Variants in FGF13 observed in about 807,000 individuals in gnomAD.
FGF13 encodes fibroblast growth factor 13, also known as fibroblast growth factor homologous factor 2.
Under a neutral mutation model 19.5 loss-of-function variants are expected in FGF13, and 2 were observed. The ratio of observed to expected loss-of-function variants is 0.10; its 90% confidence interval spans 0.04 to 0.32. The LOEUF is 0.32. Among genes scored for constraint, FGF13 ranks in the 10% least tolerant of loss-of-function variants. The pLI is 1.00. For missense variants in FGF13, 113 were observed against 192.7 expected (o/e 0.59, Z 2.45); for synonymous variants, 72 against 76.9 (o/e 0.94, Z 0.33).
intron 1 of FGF13, among the ~76,000 whole-genome samples, chrX:139,083,573 G>A (rs966415837): frequency 3.6e-5 from 4 of 112,235 alleles, no homozygotes; most frequent in Non-Finnish European, 7.5e-5. Flanking sequence ...AACACCTATA[G>A]AAAGTATCCC....
intron 1 of FGF13, among the ~76,000 whole-genome samples, chrX:139,037,102 T>C (rs995892506): frequency 2.7e-5 from 3 of 111,028 alleles, no homozygotes; most frequent in Non-Finnish European, 5.7e-5. Flanking sequence ...GAACCACCTA[T>C]TTGTCCCACA....
intron 3 of FGF13, among the ~76,000 whole-genome samples, chrX:138,794,357 G>C (rs1047153552): frequency 1.8e-5 from 2 of 111,638 alleles, no homozygotes; most frequent in African/African-American, 6.5e-5. Flanking sequence ...ACAGCTAATA[G>C]GCTATACTCT....
chrX:138,829,157 C>T (rs2091054255), intron 3 of FGF13, among the ~76,000 whole-genome samples: 1 of 111,793 alleles, frequency 8.9e-6, no homozygotes, highest in Non-Finnish European at 1.9e-5. Flanking sequence ...TTCTCTGTCT[C>T]ACACACACGT....
At chrX:139,151,665 C>T (rs5976287) in intron 1 of FGF13, among the ~76,000 whole-genome samples, 1,387 of 111,746 alleles carry the variant, frequency 0.012, 18 homozygotes, top group African/African-American at 0.042. Flanking sequence ...AAGCACCTTG[C>T]TATTAAATAT....
At chrX:139,089,895 A>G (rs939073605) in intron 1 of FGF13, among the ~76,000 whole-genome samples, 7 of 111,052 alleles carry the variant, frequency 6.3e-5, no homozygotes, top group African/African-American at 2.3e-4. Flanking sequence ...CTGGAATGCA[A>G]TGGTGCAATC....
At chrX:138,635,316 G>A (rs2089170218) in intron 4 of FGF13, 141 bp downstream of exon 4, 1 of 535,552 alleles carries the variant, frequency 1.9e-6, no homozygotes, top group Non-Finnish European at 3.1e-6. Context: ...GGTGATGAGT[G>A]CACCAAAATT....
chrX:138,971,609 TGTACATGTGTATTGG>T (rs2091916120), intron 1 of FGF13, among the ~76,000 whole-genome samples: 1 of 111,631 alleles, frequency 9.0e-6, no homozygotes, highest in African/African-American at 3.3e-5. Flanking sequence ...ATATAATAAT[TGTACATGTGTATTGG>T]GTACAGTGTG....
rs186010420 is a variant in FGF13, at chrX:138,903,620, C to A, written c.-112-38970G>T. On this transcript the variant is annotated intron_variant, in intron 1 of 2. Transcript: ENST00000421460. ...ATCCACCTCATTTCTAGCTCCACAC[C>A]CATGATCTTGCTTTCCACTTATCCA... is the stretch of plus-strand genomic sequence containing the variant. Among the ~76,000 whole-genome samples the A allele has an allele frequency of 1.9e-4, 21 of 111,479 alleles. No homozygotes were observed. In the East Asian group the frequency reaches 5.7e-3, roughly 30 times the overall value.
intron 1 of FGF13, among the ~76,000 whole-genome samples, chrX:139,083,977 G>A (rs1177757693): frequency 9.0e-6 from 1 of 111,223 alleles, no homozygotes; most frequent in African/African-American, 3.3e-5. Flanking sequence ...AGCCTTTTCA[G>A]TCGGGGGGTG....
chrX:139,053,186 T>C (rs1467702499), intron 1 of FGF13, among the ~76,000 whole-genome samples: 2 of 111,738 alleles, frequency 1.8e-5, no homozygotes, highest in Non-Finnish European at 3.8e-5. Context: ...TTCATTCCTT[T>C]TTATGGCTGA....
At chrX:138,913,705 G>A (rs190364848) in intron 1 of FGF13, among the ~76,000 whole-genome samples, 1 of 98,378 alleles carries the variant, frequency 1.0e-5, no homozygotes, top group African/African-American at 3.7e-5. Context: ...AGGAAGGAAG[G>A]AAAGAAAACT....
intron 3 of FGF13, among the ~76,000 whole-genome samples, chrX:138,672,404 T>C (rs1464063776): frequency 1.8e-5 from 2 of 111,222 alleles, no homozygotes; most frequent in Non-Finnish European, 3.8e-5. Flanking sequence ...CTGGAGTGCA[T>C]ATATTCTGAA....
chrX:138,708,125 G>T (rs1382941592), intron 2 of FGF13, among the ~76,000 whole-genome samples: 3 of 112,038 alleles, frequency 2.7e-5, no homozygotes, highest in South Asian at 3.7e-4. Flanking sequence ...CACTATTTGT[G>T]AGTTTATATT....
chrX:138,742,217 A>G (rs2090324260), upstream of FGF13, among the ~76,000 whole-genome samples: 1 of 112,259 alleles, frequency 8.9e-6, no homozygotes, highest in Admixed American at 9.4e-5. Context: ...CTAGAGGGCA[A>G]GAACCACATG....
intron 1 of FGF13, among the ~76,000 whole-genome samples, chrX:139,003,614 A>C (rs1198500024): frequency 2.9e-5 from 1 of 34,716 alleles, no homozygotes; most frequent in African/African-American, 6.8e-5. Flanking sequence ...CCATCAGATT[A>C]GTTAGATACA....
intron 1 of FGF13, among the ~76,000 whole-genome samples, chrX:139,132,136 TTC>T (rs2148233804): frequency 8.9e-6 from 1 of 112,156 alleles, no homozygotes; most frequent in Admixed American, 9.5e-5. Context: ...TAATAGCTTT[TTC>T]TCTAGTTTAT....
intron 1 of FGF13, among the ~76,000 whole-genome samples, chrX:139,020,138 G>T (rs2092172021): frequency 1.8e-5 from 2 of 111,022 alleles, no homozygotes; most frequent in African/African-American, 6.5e-5. Context: ...ACTTTTATAA[G>T]AAGGACAAAA....
chrX:138,788,420 T>C (rs1269389417), intron 3 of FGF13, among the ~76,000 whole-genome samples: 1 of 112,329 alleles, frequency 8.9e-6, no homozygotes, highest in Non-Finnish European at 1.9e-5. Flanking sequence ...GTGGCCATCT[T>C]GCCCCTGCAA....
At position 138,627,696 on chromosome X, in the gene FGF13, CTAATA is replaced by C. The variant is rs2089078570; in HGVS notation, c.*5149_*5153del. On this transcript the variant is annotated 3_prime_UTR_variant, in exon 5 of 5. Transcript: ENST00000315930. Reference sequence around the variant, plus strand: ...AAATAGGCAGTGTTTGTAACAAAAACTAATATAAAATGAGAAACTGAATTGACATT... The same window carrying C: ...AAATAGGCAGTGTTTGTAACAAAAACTAAAATGAGAAACTGAATTGACATT... 1 of 107,128 alleles carries C rather than the reference CTAATA, an allele frequency of 9.3e-6. No individual in the cohort carries two copies. Among genetic ancestry groups the C allele is most frequent in the Non-Finnish European group, 1.9e-5 (1 of 52,060 alleles). 8.8% of individuals were successfully genotyped at this position (107,128 alleles called of 1,213,427 possible). A position where few individuals can be genotyped will look rare whatever the true frequency, so the allele number is the denominator to read the frequency against.
Sources: gnomAD v4.1 joint callset for allele counts (sites outside exome capture counted in the v4.1 genomes callset) on GRCh38, gnomAD v4.1.1 for gene constraint, MANE v1.5 for transcripts, NCBI Gene and HGNC (gene_info 2026-07-23, HGNC 2026-07-21) for gene names.